DNAH11: variants seen among roughly 807,000 people sequenced by gnomAD.
DNAH11 encodes the protein axonemal beta dynein heavy chain 11.
In DNAH11, 442 loss-of-function variants were observed where a neutral mutation model predicts 526.0. That is an observed-to-expected ratio of 0.84 (90% confidence interval 0.78 to 0.91). The LOEUF (loss-of-function observed/expected upper bound fraction) is 0.91, where lower values mean the gene tolerates loss of function less well. DNAH11 is among the 40% of genes least tolerant of loss of function. DNAH11 has a pLI of 0.00. For synonymous variants in DNAH11, 2,461 were observed against 1,935.9 expected (o/e 1.27, Z -7.12); for missense variants, 6,989 against 5,448.7 (o/e 1.28, Z -8.90).
Position 21,564,340 on chromosome 7 carries a change from C to T in DNAH11, c.1137C>T (p.Asn379=), listed in dbSNP as rs1783580642. The T allele has an allele frequency of 6.2e-7, 1 of 1,613,462 alleles. No homozygotes were observed. The highest frequency in any genetic ancestry group is 8.5e-7 in the Non-Finnish European group (1 of 1,179,734). The part of the protein sequence containing the change: ...CLIWSHSKFY[N]TPARVIVLLQ... ...TCTGGAGTCATTCCAAGTTTTATAA[C>T]ACCCCAGCTCGGGTTATAGTTTTAT... is the stretch of plus-strand genomic sequence containing the variant. The change falls in exon 6 of 82, where the codon AAC becomes AAT. Residue 379 remains asparagine (N), a synonymous_variant. Coordinates refer to ENST00000409508, the MANE Select transcript of DNAH11 (RefSeq NM_001277115.2).
Position 21,873,393 on chromosome 7 carries a change from T to G in DNAH11, c.12087T>G (p.Asp4029Glu). 1 of 1,613,968 alleles carries G rather than the reference T, an allele frequency of 6.2e-7. No homozygotes were observed. Among genetic ancestry groups the G allele is most frequent in the East Asian group, 2.2e-5 (1 of 44,876 alleles). ...FMSAESAPTP[D>E]EHIIPQGLLE... is the part of the protein sequence containing the mutation. ...GTGCTGAGTCTGCACCTACACCAGA[T>G]GAGCATATCATCCCTCAAGGACTCC... Residue 4029 changes from aspartate to glutamate, a missense_variant, in exon 74 of 82, where the codon GAT becomes GAG. Coordinates refer to ENST00000409508, the MANE Select transcript of DNAH11 (RefSeq NM_001277115.2).
chr7:21,574,101 T>C (rs1158219341), intron 8 of DNAH11, among the ~76,000 whole-genome samples: 7 of 152,208 alleles, frequency 4.6e-5, no homozygotes, highest in Non-Finnish European at 1.0e-4. Flanking sequence ...GGTGTTTTCT[T>C]TGACATCTTC....
rs181703429 is a variant in DNAH11 at position 21,620,470 on chromosome 7, G to A, written c.4500+392G>A. 6.3e-3 allele frequency among the ~76,000 whole-genome samples: 959 copies of A among 151,808 alleles called. 4 individuals carry two copies. Among genetic ancestry groups the A allele is most frequent in the Middle Eastern group, 0.058 (17 of 294 alleles). On this transcript the variant is annotated intron_variant, in intron 25 of 81. Coordinates refer to ENST00000409508, the MANE Select transcript of DNAH11 (RefSeq NM_001277115.2). ...TTAGATTCCACGTGTAGATGGCATC[G>A]TACAATATTTGTCTTTTTGTTCCTG... is the stretch of plus-strand genomic sequence containing the variant.
intron 28 of DNAH11, among the ~76,000 whole-genome samples, chr7:21,645,365 A>G (rs1187257499): frequency 2.0e-5 from 3 of 152,186 alleles, no homozygotes; most frequent in Non-Finnish European, 2.9e-5. Flanking sequence ...ATTTAACTGA[A>G]TCTGTTTAAA....
chr7:21,640,456 T>G (rs762964025), intron 28 of DNAH11, among the ~76,000 whole-genome samples: 3 of 149,562 alleles, frequency 2.0e-5, no homozygotes, highest in Non-Finnish European at 2.9e-5. Flanking sequence ...AAATGAATTT[T>G]CAATAAGTAA....
At chr7:21,834,834 G>C (rs1427221085) in intron 65 of DNAH11, among the ~76,000 whole-genome samples, 1 of 151,968 alleles carries the variant, frequency 6.6e-6, no homozygotes, top group African/African-American at 2.4e-5. Context: ...CTCCAGCCTG[G>C]GTGACAGAGT....
chr7:21,808,428 A>T (rs560047928), intron 63 of DNAH11, among the ~76,000 whole-genome samples: 1 of 152,276 alleles, frequency 6.6e-6, no homozygotes, highest in East Asian at 1.9e-4. Context: ...TGAAATATAC[A>T]ATAAATTATT....
In DNAH11 at chr7:21,683,921, A is replaced by G. The variant is rs766249706; in HGVS notation, c.5598A>G (p.Leu1866=). 4 of 1,613,472 alleles carry G rather than the reference A, an allele frequency of 2.5e-6. No individual in the cohort carries two copies. The highest frequency in any genetic ancestry group is 3.4e-6 in the Non-Finnish European group (4 of 1,179,626). ...FYEYLGNSPR[L]VITPLTDRCY... is the part of the protein sequence containing the mutation. ...AATACTTAGGAAACAGCCCTCGACT[A>G]GTGATCACTCCTCTAACTGACAGGT... Residue 1866 remains leucine, a synonymous_variant, in exon 32 of 82, where the codon CTA becomes CTG. Transcript: ENST00000409508.
Position 21,591,243 on chromosome 7 carries a change from T to A in DNAH11, c.2333T>A (p.Leu778Gln). 6.3e-7 allele frequency: 1 copy of A among 1,594,396 alleles called. No homozygotes were observed. Among genetic ancestry groups the A allele is most frequent in the Non-Finnish European group, 8.5e-7 (1 of 1,169,792 alleles). ...QGYNKLKQTL[L>Q]EVEYPLIEDE... ...TATAATAAACTCAAACAGACGCTCC[T>A]GGAAGTTGAATACCCTCTGATTGAA... The change falls in exon 14 of 82, where the codon CTG becomes CAG. Residue 778 changes from leucine (L) to glutamine (Q), a missense_variant. Physicochemically the swap from Leu to Gln is moderately radical, Grantham distance 113. Transcript: ENST00000409508.
chr7:21,817,519 CAA>C (rs10532841), intron 64 of DNAH11, among the ~76,000 whole-genome samples: 31,229 of 86,818 alleles, frequency 0.36, 4,932 homozygotes, highest in East Asian at 0.68. Context: ...CCATCTCTAC[CAA>C]AAAAAAAAAA....
rs533584293 is a variant in DNAH11 at position 21,705,401 on chromosome 7, A to G, written c.6469-59A>G. The G allele has an allele frequency of 1.9e-5, 30 of 1,575,110 alleles. 2 individuals are homozygous for G. In the Admixed American group the frequency reaches 2.4e-4, roughly 13 times the overall value. On this transcript the variant is annotated intron_variant, in intron 38 of 81. Transcript: ENST00000409508. Reference sequence around the variant, plus strand: ...AAGAAGAATTGGGCAAAAATGGTAGATTATCTTTTTGTCACCAACTCCTTA... The same window carrying G: ...AAGAAGAATTGGGCAAAAATGGTAGGTTATCTTTTTGTCACCAACTCCTTA...
intron 76 of DNAH11, among the ~76,000 whole-genome samples, chr7:21,887,741 C>A (rs1371747452): frequency 6.6e-6 from 1 of 152,052 alleles, no homozygotes; most frequent in African/African-American, 2.4e-5. Flanking sequence ...AATGGGAATC[C>A]TTTAGTAAAT....
At chr7:21,804,906 G>A (rs775990280) in intron 62 of DNAH11, among the ~76,000 whole-genome samples, 1 of 152,112 alleles carries the variant, frequency 6.6e-6, no homozygotes, top group African/African-American at 2.4e-5. Flanking sequence ...GACCTGCAAG[G>A]CCCTACATGA....
chr7:21,655,781 A>G (rs911005346), intron 28 of DNAH11, 51 bp from the exon 29 acceptor site: 1 of 1,543,368 alleles, frequency 6.5e-7, no homozygotes, highest in African/African-American at 1.4e-5. Context: ...GATTATCAGA[A>G]TATACCTACA....
intron 28 of DNAH11, among the ~76,000 whole-genome samples, chr7:21,643,293 T>C (rs1298165932): frequency 6.6e-6 from 1 of 152,246 alleles, no homozygotes; most frequent in Admixed American, 6.5e-5. Context: ...TGTTATATAC[T>C]ACCTTAAAAT....
At chr7:21,797,279 G>A (rs1345779782) in intron 61 of DNAH11, among the ~76,000 whole-genome samples, 1 of 151,668 alleles carries the variant, frequency 6.6e-6, no homozygotes, top group Non-Finnish European at 1.5e-5. Context: ...GAGTGCAGTG[G>A]TGCGTTCTCA....
At chr7:21,589,080 G>T (rs2128442931) in intron 11 of DNAH11, 128 bp from the exon 12 acceptor site, 1 of 666,782 alleles carries the variant, frequency 1.5e-6, no homozygotes, top group Non-Finnish European at 2.3e-6. Context: ...ACATAATTTG[G>T]TCTTGACTGT....
rs144204688 is a variant in DNAH11, at chr7:21,788,086, A to T, written c.9924+503A>T. 2.2e-3 allele frequency among the ~76,000 whole-genome samples: 340 copies of T among 152,198 alleles called. 1 individual carries two copies. The highest frequency in any genetic ancestry group is 4.6e-3 in the South Asian group (22 of 4,818). Reference sequence around the variant, plus strand: ...AAATTTGTACTTTTCGGCAGTGTAGAGATAGATTATACTTTCATGTAGTCA... The same window carrying T: ...AAATTTGTACTTTTCGGCAGTGTAGTGATAGATTATACTTTCATGTAGTCA... On this transcript the variant is annotated intron_variant, in intron 60 of 81. Coordinates refer to ENST00000409508, the MANE Select transcript of DNAH11 (RefSeq NM_001277115.2).
chr7:21,773,208 T>G (rs761227337), intron 55 of DNAH11, among the ~76,000 whole-genome samples: 3 of 152,222 alleles, frequency 2.0e-5, no homozygotes, highest in Non-Finnish European at 4.4e-5. Flanking sequence ...TTGCTCTTTT[T>G]GTGGGTTTTC....
Sources: allele counts gnomAD v4.1 joint callset (sites outside exome capture counted in the v4.1 genomes callset), GRCh38; gene constraint gnomAD v4.1.1; transcripts MANE v1.5; gene names NCBI Gene and HGNC (gene_info 2026-07-23, HGNC 2026-07-21).